SLC35F1: variants seen among roughly 807,000 people sequenced by gnomAD.
SLC35F1 encodes the protein solute carrier family 35 member F1, also known as chromosome 6 open reading frame 169.
A neutral mutation model predicts 48.7 loss-of-function variants in SLC35F1; 14 were observed. The observed-to-expected ratio is 0.29, with a 90% CI of 0.19 to 0.45. The LOEUF is 0.45. SLC35F1 is among the 20% of genes least tolerant of loss of function. The probability of loss-of-function intolerance (pLI) is 1.00; values close to 1 mark genes in which losing one functional copy is unlikely to be tolerated. For missense variants in SLC35F1, 404 were observed against 500.0 expected (o/e 0.81, Z 1.83); for synonymous variants, 190 against 202.2 (o/e 0.94, Z 0.51).
chr6:118,188,395 C>A (rs574193149), intron 2 of SLC35F1, among the ~76,000 whole-genome samples: 1 of 152,104 alleles, frequency 6.6e-6, no homozygotes, highest in South Asian at 2.1e-4. Flanking sequence ...ACTAAAAATA[C>A]AAAAAGTAGC....
intron 2 of SLC35F1, among the ~76,000 whole-genome samples, chr6:118,175,032 C>A (rs1289857019): frequency 6.6e-6 from 1 of 152,102 alleles, no homozygotes; most frequent in Non-Finnish European, 1.5e-5. Flanking sequence ...CGGAAGATTG[C>A]TTTCAGCCAC....
intron 1 of SLC35F1, among the ~76,000 whole-genome samples, chr6:118,090,856 A>G (rs547651651): frequency 2.0e-5 from 3 of 152,306 alleles, no homozygotes; most frequent in Admixed American, 2.0e-4. Flanking sequence ...AAGTGGAAGG[A>G]GGAAGACTCA....
intron 1 of SLC35F1, among the ~76,000 whole-genome samples, chr6:118,149,456 G>A (rs1447380779): frequency 6.6e-6 from 1 of 152,188 alleles, no homozygotes; most frequent in East Asian, 1.9e-4. Flanking sequence ...TGGCAGGGCA[G>A]GGGGTATAGT....
At chr6:118,259,382 G>A (rs1775684777) in intron 3 of SLC35F1, among the ~76,000 whole-genome samples, 1 of 151,778 alleles carries the variant, frequency 6.6e-6, no homozygotes, top group Non-Finnish European at 1.5e-5. Flanking sequence ...TCATGGTTGG[G>A]AATTTATCCT....
At chr6:117,998,657 A>G (rs1397094003) in intron 1 of SLC35F1, among the ~76,000 whole-genome samples, 4 of 152,230 alleles carry the variant, frequency 2.6e-5, no homozygotes, top group Admixed American at 6.5e-5. Flanking sequence ...AAACTGAACA[A>G]CCTGCTCCTG....
chr6:117,934,730 C>T (rs543505145), intron 1 of SLC35F1, among the ~76,000 whole-genome samples: 259 of 152,188 alleles, frequency 1.7e-3, no homozygotes, highest in Non-Finnish European at 3.0e-3. Flanking sequence ...AAACAAATGT[C>T]AAGATATGAA....
chr6:117,928,182 C>A (rs1198042473), intron 1 of SLC35F1, among the ~76,000 whole-genome samples: 1 of 152,070 alleles, frequency 6.6e-6, no homozygotes, highest in African/African-American at 2.4e-5. Context: ...AGCTCAGAAC[C>A]TGGCCCCAAA....
chr6:117,989,070 G>A (rs1332156608), intron 1 of SLC35F1, among the ~76,000 whole-genome samples: 1 of 152,112 alleles, frequency 6.6e-6, no homozygotes, highest in Non-Finnish European at 1.5e-5. Flanking sequence ...GAGCTGACTG[G>A]GACTCAAGTC....
chr6:118,041,993 C>A (rs1475725742), intron 1 of SLC35F1, among the ~76,000 whole-genome samples: 1 of 151,940 alleles, frequency 6.6e-6, no homozygotes, highest in Non-Finnish European at 1.5e-5. Context: ...CTATTGCACA[C>A]ATAGCTGTCC....
rs1358869588 is a variant in SLC35F1, at chr6:118,061,584, G to GTATATATA, written c.174-92860_174-92859insATATATAT. ...TATATATATACATTTGTGTGTGTGT[G>GTATATATA]TGTGTGTATATATATATATATGTTT... On this transcript the variant is annotated intron_variant, in intron 1 of 7. Coordinates refer to ENST00000360388, the MANE Select transcript of SLC35F1 (RefSeq NM_001029858.4). 3.4e-5 allele frequency among the ~76,000 whole-genome samples: 3 copies of GTATATATA among 87,378 alleles called. No homozygotes were observed. In the East Asian group the frequency reaches 9.2e-4, roughly 27 times the overall value. 57.3% of individuals were successfully genotyped at this position (87,378 alleles called of 152,430 possible).
At chr6:118,153,079 T>C (rs1423195177) in intron 1 of SLC35F1, among the ~76,000 whole-genome samples, 1 of 152,182 alleles carries the variant, frequency 6.6e-6, no homozygotes, top group East Asian at 1.9e-4. Flanking sequence ...GAACAAAATA[T>C]AGCTGATGTT....
chr6:117,961,135 T>C (rs1776492236), intron 1 of SLC35F1, among the ~76,000 whole-genome samples: 1 of 152,196 alleles, frequency 6.6e-6, no homozygotes, highest in South Asian at 2.1e-4. Context: ...CCTTTCTTTT[T>C]TTCTATCCTC....
chr6:117,954,834 G>A (rs1776409479), intron 1 of SLC35F1, among the ~76,000 whole-genome samples: 1 of 152,114 alleles, frequency 6.6e-6, no homozygotes, highest in Admixed American at 6.6e-5. Context: ...CTATGTAAAT[G>A]GCTAAATCTG....
At chr6:118,136,497 A>T (rs761996665) in intron 1 of SLC35F1, among the ~76,000 whole-genome samples, 16 of 152,172 alleles carry the variant, frequency 1.1e-4, no homozygotes, top group Non-Finnish European at 2.1e-4. Flanking sequence ...ATTTTATCAT[A>T]GTTGAGTCAC....
intron 1 of SLC35F1, among the ~76,000 whole-genome samples, chr6:118,007,028 TTG>T (rs1377980633): frequency 4.0e-5 from 5 of 126,534 alleles, no homozygotes; most frequent in Admixed American, 3.3e-4. Flanking sequence ...ACAACACATG[TTG>T]TTTTTTTTTT....
At chr6:118,085,061 A>G (rs1772966736) in intron 1 of SLC35F1, among the ~76,000 whole-genome samples, 2 of 151,540 alleles carry the variant, frequency 1.3e-5, no homozygotes, top group African/African-American at 4.8e-5. Context: ...TCTGGAGCAG[A>G]GACTGGGCCA....
chr6:118,106,057 T>C (rs976666358), intron 1 of SLC35F1, among the ~76,000 whole-genome samples: 3 of 152,146 alleles, frequency 2.0e-5, no homozygotes, highest in African/African-American at 7.2e-5. Context: ...TGTAGACAAA[T>C]TGGTAGTCAT....
chr6:118,063,391 A>C (rs1394102329), intron 1 of SLC35F1, among the ~76,000 whole-genome samples: 1 of 149,358 alleles, frequency 6.7e-6, no homozygotes, highest in Non-Finnish European at 1.5e-5. Context: ...CCTATGGTTA[A>C]GGCACCAGAT....
At chr6:118,094,145 C>T (rs895686168) in intron 1 of SLC35F1, among the ~76,000 whole-genome samples, 1 of 152,112 alleles carries the variant, frequency 6.6e-6, no homozygotes, top group Non-Finnish European at 1.5e-5. Context: ...GGGGGAAAAT[C>T]GAGATGCAAA....
Sources: allele counts gnomAD v4.1 joint callset (sites outside exome capture counted in the v4.1 genomes callset), GRCh38; gene constraint gnomAD v4.1.1; transcripts MANE v1.5; gene names NCBI Gene and HGNC (gene_info 2026-07-23, HGNC 2026-07-21).